The following SUGCT variants were observed in gnomAD, a reference collection of about 807,000 sequenced individuals.
SUGCT encodes the protein succinyl-CoA:glutarate-CoA transferase, also known as succinyl-CoA:glutarate CoA-transferase.
In SUGCT, 41 loss-of-function variants were observed where a neutral mutation model predicts 55.0. That is an observed-to-expected ratio of 0.74 (90% CI 0.58 to 0.97). The LOEUF (loss-of-function observed/expected upper bound fraction) is 0.97, where lower values mean the gene tolerates loss of function less well. Among genes scored for constraint, SUGCT ranks in the 50% least tolerant of loss-of-function variants. SUGCT has a pLI of 0.00. For missense variants in SUGCT, 568 were observed against 547.8 expected (o/e 1.04, Z -0.37); for synonymous variants, 187 against 200.4 (o/e 0.93, Z 0.56).
At chr7:40,358,883 G>C (rs1798009049) in intron 9 of SUGCT, among the ~76,000 whole-genome samples, 1 of 152,188 alleles carries the variant, frequency 6.6e-6, no homozygotes, top group Non-Finnish European at 1.5e-5. Context: ...TAATAGGCTA[G>C]ACTATTTATA....
chr7:40,973,838 C>T, the SUGCT span, among the ~76,000 whole-genome samples: 1 of 152,252 alleles, frequency 6.6e-6, no homozygotes, highest in East Asian at 1.9e-4. Flanking sequence ...AGCATATAAC[C>T]CAAGACAGTA....
chr7:40,561,880 C>T (rs572109461), intron 12 of SUGCT, among the ~76,000 whole-genome samples: 7 of 150,522 alleles, frequency 4.7e-5, no homozygotes, highest in Admixed American at 6.6e-5. Context: ...TTAGAAGAGA[C>T]GGGGTTTCAC....
chr7:40,923,327 G>GA, the SUGCT span, among the ~76,000 whole-genome samples: 30 of 152,090 alleles, frequency 2.0e-4, no homozygotes, highest in African/African-American at 1.4e-4. Flanking sequence ...CATTTATTCT[G>GA]AAAAAATGCC....
At chr7:40,351,935 G>T (rs1427917678) in intron 9 of SUGCT, among the ~76,000 whole-genome samples, 1 of 152,206 alleles carries the variant, frequency 6.6e-6, no homozygotes, top group African/African-American at 2.4e-5. Context: ...TAATGTCCAA[G>T]TTTCACCTCC....
Position 40,524,967 on chromosome 7 carries a change from T to C in SUGCT, c.1089+28581T>C, listed in dbSNP as rs1346413121. ...CAGAAGCCTTTTTCCTTCATTAATA[T>C]GTTTATCTTTGGCTTCTGGAATAGC... On this transcript the variant is annotated intron_variant, in intron 12 of 13. Coordinates refer to ENST00000335693, the MANE Select transcript of SUGCT (RefSeq NM_001193313.2). 2.6e-5 allele frequency among the ~76,000 whole-genome samples: 4 copies of C among 152,306 alleles called. No homozygotes were observed. The East Asian group carries it at 7.7e-4, about 29-fold the overall frequency.
chr7:40,343,468 C>T (rs1344399582), intron 9 of SUGCT, among the ~76,000 whole-genome samples: 1 of 152,000 alleles, frequency 6.6e-6, no homozygotes, highest in Non-Finnish European at 1.5e-5. Context: ...CAGTTATGGA[C>T]CGTTTTAGGA....
the SUGCT span, among the ~76,000 whole-genome samples, chr7:40,917,169 A>G: frequency 1.3e-5 from 2 of 152,214 alleles, no homozygotes; most frequent in African/African-American, 4.8e-5. Flanking sequence ...ATGGGGGAAG[A>G]CTTTGGACAA....
intron 12 of SUGCT, among the ~76,000 whole-genome samples, chr7:40,621,730 C>A (rs999417758): frequency 1.3e-5 from 2 of 152,138 alleles, no homozygotes; most frequent in Non-Finnish European, 2.9e-5. Context: ...AACTTTCTGG[C>A]TTAATGCAGA....
At chr7:40,963,910 C>G in the SUGCT span, among the ~76,000 whole-genome samples, 3 of 152,206 alleles carry the variant, frequency 2.0e-5, no homozygotes, top group Non-Finnish European at 2.9e-5. Flanking sequence ...GGCTGACTTA[C>G]TCACTCATCT....
rs35337810 is a variant in SUGCT, at chr7:40,199,792, C to CT, written c.484+4746dup. The stretch of plus-strand genomic sequence containing the variant: ...CTGTACATGTCATTTAATGAAGTTT[C>CT]TTTTTTTTTTTTTTAAAGGAAGAGG... On this transcript the variant is annotated intron_variant, in intron 6 of 13. Transcript: ENST00000335693. Among the ~76,000 whole-genome samples the CT allele has an allele frequency of 7.7e-3, 1,064 of 138,850 alleles. 12 individuals are homozygous for CT. The highest frequency in any genetic ancestry group is 0.02 in the African/African-American group (717 of 36,268). The allele number at this position is 138,850 out of a possible 152,430, so 91.1% of individuals were successfully genotyped here. A position where few individuals can be genotyped will look rare whatever the true frequency, so the allele number is the denominator to read the frequency against.
intron 3 of SUGCT, among the ~76,000 whole-genome samples, chr7:40,184,471 G>A (rs955738575): frequency 6.6e-6 from 1 of 151,458 alleles, no homozygotes; most frequent in Admixed American, 6.6e-5. Context: ...GTCTCACTCT[G>A]TGAGCCACTG....
chr7:40,139,654 C>G (rs192859288), intron 1 of SUGCT, among the ~76,000 whole-genome samples: 1 of 152,152 alleles, frequency 6.6e-6, no homozygotes, highest in Admixed American at 6.6e-5. Flanking sequence ...ATGTAGTTTG[C>G]AGATATTTTC....
At chr7:40,961,161 G>C in the SUGCT span, among the ~76,000 whole-genome samples, 9 of 152,304 alleles carry the variant, frequency 5.9e-5, no homozygotes, top group East Asian at 1.7e-3. Flanking sequence ...AAATCACATA[G>C]TGGATTCAAA....
chr7:40,659,542 C>T (rs1456238750), intron 12 of SUGCT, among the ~76,000 whole-genome samples: 1 of 152,190 alleles, frequency 6.6e-6, no homozygotes, highest in Non-Finnish European at 1.5e-5. Context: ...TCACTTCTGT[C>T]CTGTTCTAGT....
At chr7:40,847,384 T>C (rs1425460913) in intron 13 of SUGCT, among the ~76,000 whole-genome samples, 1 of 150,834 alleles carries the variant, frequency 6.6e-6, no homozygotes, top group African/African-American at 2.4e-5. Flanking sequence ...GTCCTGGAGA[T>C]GACATATACA....
chr7:40,759,809 AT>A (rs1788443004), intron 13 of SUGCT, among the ~76,000 whole-genome samples: 1 of 151,834 alleles, frequency 6.6e-6, no homozygotes, highest in Non-Finnish European at 1.5e-5. Flanking sequence ...GGGATTACCT[AT>A]TTTGGGATTA....
chr7:40,183,876 G>GA (rs796984935), intron 3 of SUGCT, among the ~76,000 whole-genome samples: 307 of 152,176 alleles, frequency 2.0e-3, no homozygotes, highest in African/African-American at 6.8e-3. Flanking sequence ...AAGTTGCTTA[G>GA]AAAAGCATCA....
chr7:40,383,518 A>T (rs1057352656), intron 9 of SUGCT, among the ~76,000 whole-genome samples: 3 of 152,204 alleles, frequency 2.0e-5, no homozygotes, highest in Non-Finnish European at 4.4e-5. Context: ...GTGCTACTTG[A>T]TGTGAAAGAT....
downstream of SUGCT, among the ~76,000 whole-genome samples, chr7:40,861,994 T>C (rs1348051104): frequency 6.6e-6 from 1 of 152,214 alleles, no homozygotes; most frequent in African/African-American, 2.4e-5. Flanking sequence ...ACATTTAATA[T>C]GAAAAATGGT....
Sources: gnomAD v4.1 joint callset for allele counts (sites outside exome capture counted in the v4.1 genomes callset) on GRCh38, gnomAD v4.1.1 for gene constraint, MANE v1.5 for transcripts, NCBI Gene and HGNC (gene_info 2026-07-23, HGNC 2026-07-21) for gene names.